IL1RAPL2: variants seen among roughly 807,000 people sequenced by gnomAD.
The protein encoded by IL1RAPL2 is interleukin 1 receptor accessory protein like 2, also known as X-linked interleukin-1 receptor accessory protein-like 2.
IL1RAPL2 carries 3 observed loss-of-function variants against 44.1 expected under a neutral mutation model. That is an observed-to-expected ratio of 0.07 (90% confidence interval 0.03 to 0.18). IL1RAPL2 has a LOEUF of 0.18. Ranked by LOEUF, IL1RAPL2 falls within the 10% of genes least tolerant of loss-of-function variation. IL1RAPL2 has a pLI of 1.00. For missense variants in IL1RAPL2, 391 were observed against 496.4 expected (o/e 0.79, Z 2.02); for synonymous variants, 181 against 178.8 (o/e 1.01, Z -0.10).
chrX:105,731,570 A>C (rs983594191), intron 7 of IL1RAPL2, among the ~76,000 whole-genome samples: 18 of 111,309 alleles, frequency 1.6e-4, no homozygotes, highest in African/African-American at 5.5e-4. Flanking sequence ...CTAAGTGTCC[A>C]TCAATGGGTG....
At chrX:105,199,837 G>A (rs2033702072) in intron 3 of IL1RAPL2, among the ~76,000 whole-genome samples, 1 of 112,379 alleles carries the variant, frequency 8.9e-6, no homozygotes, top group Non-Finnish European at 1.9e-5. Context: ...TCTCATGTGT[G>A]CCTTAGTAAG....
chrX:104,681,415 G>A, intron 2 of IL1RAPL2, among the ~76,000 whole-genome samples: 1 of 111,985 alleles, frequency 8.9e-6, no homozygotes, highest in Non-Finnish European at 1.9e-5. Context: ...GGACTCTGCT[G>A]TGGGAAGAAT....
intron 1 of IL1RAPL2, among the ~76,000 whole-genome samples, chrX:104,623,214 C>G (rs1300251068): frequency 1.2e-4 from 13 of 110,957 alleles, no homozygotes. Flanking sequence ...ATTCTTTGTA[C>G]TTATCTAGGT....
At chrX:104,906,563 T>C (rs1924015446) in intron 2 of IL1RAPL2, among the ~76,000 whole-genome samples, 1 of 111,992 alleles carries the variant, frequency 8.9e-6, no homozygotes, top group Admixed American at 9.5e-5. Flanking sequence ...ATTGAGATAA[T>C]CATGTGGTTT....
At chrX:104,628,562 A>T (rs1929565490) in intron 1 of IL1RAPL2, among the ~76,000 whole-genome samples, 2 of 112,198 alleles carry the variant, frequency 1.8e-5, no homozygotes, top group African/African-American at 6.5e-5. Flanking sequence ...TTGAGTATAT[A>T]TAACACTTTT....
chrX:104,582,796 CCT>C lies in IL1RAPL2; in HGVS notation c.-20+15754_-20+15755del, dbSNP rs1335989065. Among the ~76,000 whole-genome samples, 8 of 64,591 alleles carry C rather than the reference CCT, an allele frequency of 1.2e-4. 1 individual carries two copies. The highest frequency in any genetic ancestry group is 9.5e-4 in the East Asian group (2 of 2,104). 56.1% of individuals were successfully genotyped at this position (64,591 alleles called of 115,157 possible). On this transcript the variant is annotated intron_variant, in intron 1 of 10. Coordinates refer to ENST00000372582, the MANE Select transcript of IL1RAPL2 (RefSeq NM_017416.2). Reference sequence around the variant, plus strand: ...CTTTCTCTCTCTCTTTCTTTCTTTCCCTCTCTCTCTTTCTCTCCTTTCTTTCT... The same window carrying C: ...CTTTCTCTCTCTCTTTCTTTCTTTCCCTCTCTCTTTCTCTCCTTTCTTTCT...
At chrX:104,667,849 TATAATA>T (rs1413340290) in intron 2 of IL1RAPL2, among the ~76,000 whole-genome samples, 1 of 111,466 alleles carries the variant, frequency 9.0e-6, no homozygotes, top group African/African-American at 3.3e-5. Flanking sequence ...AAAGGCATAA[TATAATA>T]AGAGTCATAT....
chrX:105,470,395 A>G (rs1270400071), intron 5 of IL1RAPL2, among the ~76,000 whole-genome samples: 1 of 111,936 alleles, frequency 8.9e-6, no homozygotes, highest in Non-Finnish European at 1.9e-5. Context: ...GAACCCATGT[A>G]TCTTAAGTTC....
At chrX:105,035,608 C>T (rs1374145063) in intron 2 of IL1RAPL2, among the ~76,000 whole-genome samples, 1 of 112,129 alleles carries the variant, frequency 8.9e-6, no homozygotes, top group Non-Finnish European at 1.9e-5. Flanking sequence ...ATGGAACTCA[C>T]TTTTTACCTA....
chrX:104,962,527 C>T (rs2030028640), intron 2 of IL1RAPL2, among the ~76,000 whole-genome samples: 1 of 111,924 alleles, frequency 8.9e-6, no homozygotes, highest in East Asian at 2.8e-4. Flanking sequence ...TAGTGCGTAG[C>T]CTATGCTACA....
At chrX:105,555,706 C>A (rs1188626094) in intron 6 of IL1RAPL2, among the ~76,000 whole-genome samples, 1 of 112,166 alleles carries the variant, frequency 8.9e-6, no homozygotes, top group African/African-American at 3.2e-5. Flanking sequence ...CACACCAACC[C>A]ACATCATTCT....
At chrX:105,447,350 T>TATATAA (rs1184179319) in intron 5 of IL1RAPL2, among the ~76,000 whole-genome samples, 1 of 65,025 alleles carries the variant, frequency 1.5e-5, no homozygotes, top group Admixed American at 2.8e-4. Flanking sequence ...AATATATAAA[T>TATATAA]ATATAAATAT....
chrX:104,892,468 A>C (rs1923489094), intron 2 of IL1RAPL2, among the ~76,000 whole-genome samples: 1 of 111,053 alleles, frequency 9.0e-6, no homozygotes, highest in Non-Finnish European at 1.9e-5. Flanking sequence ...TCAATTTCAG[A>C]GACTGTTATT....
At chrX:104,966,613 A>G (rs2030129128) in intron 2 of IL1RAPL2, among the ~76,000 whole-genome samples, 1 of 112,270 alleles carries the variant, frequency 8.9e-6, no homozygotes, top group Non-Finnish European at 1.9e-5. Context: ...TGACTGAATA[A>G]CAGGAAGAAA....
intron 6 of IL1RAPL2, among the ~76,000 whole-genome samples, chrX:105,548,269 T>TTATA (rs755851378): frequency 4.6e-4 from 51 of 110,462 alleles, no homozygotes; most frequent in African/African-American, 1.7e-3. Flanking sequence ...TATATTGAAA[T>TTATA]TATATATATA....
chrX:105,622,353 C>T (rs1245243687), intron 6 of IL1RAPL2, among the ~76,000 whole-genome samples: 1 of 109,494 alleles, frequency 9.1e-6, no homozygotes, highest in East Asian at 2.9e-4. Context: ...ACTACCAGTT[C>T]AGCCAAACAT....
At chrX:104,640,682 G>C (rs1929915887) in intron 1 of IL1RAPL2, among the ~76,000 whole-genome samples, 1 of 112,131 alleles carries the variant, frequency 8.9e-6, no homozygotes, top group Non-Finnish European at 1.9e-5. Context: ...TATCTATGAT[G>C]CTGGTTGGGG....
chrX:105,322,701 G>A (rs1289864983), intron 5 of IL1RAPL2, among the ~76,000 whole-genome samples: 1 of 111,667 alleles, frequency 9.0e-6, no homozygotes, highest in Non-Finnish European at 1.9e-5. Flanking sequence ...TTAAGGTTTC[G>A]CCTCATTGGG....
chrX:104,658,743 G>A (rs1477233303), intron 1 of IL1RAPL2, among the ~76,000 whole-genome samples, 152 bp from the exon 2 acceptor site: 1 of 112,700 alleles, frequency 8.9e-6, no homozygotes, highest in African/African-American at 3.2e-5. Context: ...GAACTTTCAT[G>A]TTTTCTTCTA....
Sources: gnomAD v4.1 joint callset for allele counts (sites outside exome capture counted in the v4.1 genomes callset) on GRCh38, gnomAD v4.1.1 for gene constraint, MANE v1.5 for transcripts, NCBI Gene and HGNC (gene_info 2026-07-23, HGNC 2026-07-21) for gene names.